ST7: variants seen among roughly 807,000 people sequenced by gnomAD.
ST7 encodes suppressor of tumorigenicity 7 protein.
ST7 carries 28 observed loss-of-function variants against 78.7 expected under a neutral mutation model. That is an observed-to-expected ratio of 0.36 (90% confidence interval 0.26 to 0.49). ST7 has a LOEUF of 0.49. Ranked by LOEUF, ST7 falls within the 20% of genes least tolerant of loss-of-function variation. The pLI, the probability that ST7 is intolerant of heterozygous loss-of-function variation, is 0.99. For missense variants in ST7, 418 were observed against 696.0 expected (o/e 0.60, Z 4.49); for synonymous variants, 247 against 249.6 (o/e 0.99, Z 0.10).
rs56133709 is a variant in ST7 at position 117,196,624 on chromosome 7, C to CTT, written c.1254+5714_1254+5715dup. Among the ~76,000 whole-genome samples the CTT allele has an allele frequency of 3.6e-3, 215 of 59,500 alleles. 12 individuals carry two copies. The highest frequency in any genetic ancestry group is 0.013 in the African/African-American group (203 of 15,364). 39.0% of individuals were successfully genotyped at this position (59,500 alleles called of 152,430 possible). ...TAAATCAGATAATCAGATTGTTGGG[C>CTT]TTTTTTTTTTTTTTTTTTTTTTTTT... On this transcript the variant is annotated intron_variant, in intron 12 of 15. Coordinates refer to ENST00000323984, the MANE Select transcript of ST7 (RefSeq NM_001369598.1).
intron 12 of ST7, chr7:117,198,405 G>A (rs1276992336): frequency 1.2e-5 from 5 of 429,580 alleles, no homozygotes; most frequent in Non-Finnish European, 2.3e-5. Context: ...CAACCAGAGA[G>A]TATAACAGTG....
intron 12 of ST7, among the ~76,000 whole-genome samples, chr7:117,207,443 T>C (rs1791879927): frequency 6.6e-6 from 1 of 152,236 alleles, no homozygotes; most frequent in Admixed American, 6.5e-5. Flanking sequence ...CGCCCAGCCC[T>C]GCTAGTTTAT....
At position 117,209,918 on chromosome 7, in the gene ST7, G is replaced by C; in HGVS notation, c.1386G>C (p.Leu462Phe). 6.2e-7 allele frequency: 1 copy of C among 1,613,510 alleles called. No individual in the cohort carries two copies. The highest frequency in any genetic ancestry group is 2.2e-5 in the East Asian group (1 of 44,864). The change falls in exon 13 of 16, where the codon TTG becomes TTC. Residue 462 changes from leucine (L) to phenylalanine (F), a missense_variant. Physicochemically the swap from Leu to Phe is conservative, Grantham distance 22. Around this residue, in one of 4 missense-constraint regions of ST7, gnomAD observed 288 missense variants for 537.1 expected, o/e 0.54. Coordinates refer to ENST00000323984, the MANE Select transcript of ST7 (RefSeq NM_001369598.1). ...GAGTGGAAGGGGCTTTGAATCTTTTGCATTGTACGTGGGAAGGCAGTAAGT... is the reference window on the plus strand; with the variant it reads ...GAGTGGAAGGGGCTTTGAATCTTTTCCATTGTACGTGGGAAGGCAGTAAGT... ...WKRVEGALNL[L>F]HCTWEGTFRM... is the part of the protein sequence containing the mutation.
At chr7:117,049,096 C>T (rs997114736) in intron 1 of ST7, among the ~76,000 whole-genome samples, 8 of 152,160 alleles carry the variant, frequency 5.3e-5, no homozygotes, top group African/African-American at 1.9e-4. Flanking sequence ...AAACTGGCAG[C>T]TGGTGTTTAT....
intron 9 of ST7, among the ~76,000 whole-genome samples, chr7:117,163,399 G>A (rs570229928): frequency 8.5e-5 from 13 of 152,246 alleles, no homozygotes; most frequent in African/African-American, 3.1e-4. Context: ...CCTACCAAAA[G>A]TGTATAAGAA....
chr7:117,020,436 A>T (rs748017021), intron 1 of ST7: 83 of 686,684 alleles, frequency 1.2e-4, no homozygotes, highest in Non-Finnish European at 1.7e-4. Context: ...AGCTCGTAAC[A>T]GGAGAATCTG....
chr7:117,002,217 G>T (rs1448889880), intron 1 of ST7, among the ~76,000 whole-genome samples: 1 of 152,088 alleles, frequency 6.6e-6, no homozygotes, highest in Non-Finnish European at 1.5e-5. Flanking sequence ...GACAGAGCAA[G>T]ACTCTGTCTC....
At chr7:117,072,466 C>G (rs1799029552) in intron 1 of ST7, 2 of 152,198 alleles carry the variant, frequency 1.3e-5, no homozygotes, top group African/African-American at 4.8e-5. Flanking sequence ...AGAAACTAAG[C>G]AGTCATGATC....
At chr7:117,012,992 G>T (rs145472285) in intron 1 of ST7, among the ~76,000 whole-genome samples, 27 of 152,186 alleles carry the variant, frequency 1.8e-4, no homozygotes, top group African/African-American at 6.0e-4. Context: ...TTAATAAAAT[G>T]CATTTCCTTA....
At chr7:117,115,346 T>C (rs926724568) in intron 2 of ST7, among the ~76,000 whole-genome samples, 2 of 150,910 alleles carry the variant, frequency 1.3e-5, no homozygotes, top group African/African-American at 4.9e-5. Flanking sequence ...TGAGAAGTGG[T>C]AGGTTACTTT....
intron 9 of ST7, among the ~76,000 whole-genome samples, chr7:117,167,638 G>C (rs1236641025): frequency 2.6e-5 from 4 of 152,130 alleles, no homozygotes; most frequent in Non-Finnish European, 5.9e-5. Context: ...AATGACAACA[G>C]TTCTAGAGAT....
chr7:116,988,088 C>T (rs1794264258), intron 1 of ST7, among the ~76,000 whole-genome samples: 1 of 152,158 alleles, frequency 6.6e-6, no homozygotes. Context: ...CATTTTTCTC[C>T]TTTGCTAGTT....
rs79498901 is a variant in ST7, at chr7:117,030,483, T to A, written c.152-69279T>A. Among the ~76,000 whole-genome samples the A allele has an allele frequency of 5.1e-3, 779 of 152,254 alleles. 6 individuals are homozygous for A. Among genetic ancestry groups the A allele is most frequent in the African/African-American group, 0.018 (739 of 41,554 alleles). ...TCTTAACAAATAGATTAGAATTGTT[T>A]ATACATACAGGCAAAAAACAACCCC... On this transcript the variant is annotated intron_variant, in intron 1 of 15. Coordinates refer to ENST00000323984, the MANE Select transcript of ST7 (RefSeq NM_001369598.1).
chr7:116,973,283 G>A (rs527314822), intron 1 of ST7, among the ~76,000 whole-genome samples: 5 of 152,126 alleles, frequency 3.3e-5, no homozygotes, highest in Admixed American at 1.3e-4. Context: ...ATTGAGACAA[G>A]CTCTTGTGCT....
intron 9 of ST7, among the ~76,000 whole-genome samples, chr7:117,146,868 C>G (rs1321190686): frequency 6.6e-6 from 1 of 152,118 alleles, no homozygotes; most frequent in Non-Finnish European, 1.5e-5. Flanking sequence ...TCATTGTTAT[C>G]TTAAGTAGTG....
At chr7:117,217,622 CTTTG>C (rs1456231408) in intron 13 of ST7, among the ~76,000 whole-genome samples, 1 of 152,190 alleles carries the variant, frequency 6.6e-6, no homozygotes, top group Admixed American at 6.5e-5. Flanking sequence ...CAAAAGTCAT[CTTTG>C]TTTGCGTGCA....
chr7:117,030,151 A>T (rs980383744), intron 1 of ST7, among the ~76,000 whole-genome samples: 1 of 152,196 alleles, frequency 6.6e-6, no homozygotes, highest in African/African-American at 2.4e-5. Context: ...CAATTCATGA[A>T]CATGGTATAT....
chr7:117,031,128 G>C (rs4439045), intron 1 of ST7, among the ~76,000 whole-genome samples: 149,447 of 152,096 alleles, frequency 0.98, 73,484 homozygotes, highest in East Asian at 1. Context: ...TAAGTGGGAC[G>C]TAAATAATGA....
intron 10 of ST7, among the ~76,000 whole-genome samples, chr7:117,183,394 C>T (rs1746734257): frequency 6.6e-6 from 1 of 151,042 alleles, no homozygotes. Flanking sequence ...TACTGCACTC[C>T]AGCCTGGGTG....
Sources: allele counts gnomAD v4.1 joint callset (sites outside exome capture counted in the v4.1 genomes callset), GRCh38; gene constraint gnomAD v4.1.1; regional missense constraint gnomAD v4.1.1; transcripts MANE v1.5; gene names NCBI Gene and HGNC (gene_info 2026-07-23, HGNC 2026-07-21).